Variants in PRKG1 observed in about 807,000 individuals in gnomAD.
PRKG1 encodes the protein protein kinase cGMP-dependent 1, also known as cGMP-dependent protein kinase 1.
PRKG1 carries 35 observed loss-of-function variants against 88.1 expected under a neutral mutation model. The ratio of observed to expected loss-of-function variants is 0.40; its 90% CI spans 0.30 to 0.53. The LOEUF (loss-of-function observed/expected upper bound fraction) is 0.53. Among genes scored for constraint, PRKG1 ranks in the 20% least tolerant of loss-of-function variants. The probability of loss-of-function intolerance (pLI) is 0.59; values close to 1 mark genes in which losing one functional copy is unlikely to be tolerated. For missense variants in PRKG1, 540 were observed against 839.8 expected (o/e 0.64, Z 4.41); for synonymous variants, 303 against 292.5 (o/e 1.04, Z -0.37).
intron 2 of PRKG1, among the ~76,000 whole-genome samples, chr10:51,347,878 G>T (rs1316221819): frequency 1.3e-5 from 2 of 148,902 alleles, no homozygotes; most frequent in South Asian, 4.4e-4. Flanking sequence ...TGGCTAACAC[G>T]GTGAAACCCC....
chr10:51,080,607 G>A (rs1564592310), intron 1 of PRKG1, among the ~76,000 whole-genome samples: 1 of 152,182 alleles, frequency 6.6e-6, no homozygotes, highest in Admixed American at 6.5e-5. Flanking sequence ...AACCTTTCAA[G>A]CTCAGAGAAC....
intron 2 of PRKG1, among the ~76,000 whole-genome samples, chr10:51,321,142 G>A (rs998926357): frequency 2.0e-5 from 3 of 152,172 alleles, no homozygotes; most frequent in South Asian, 2.1e-4. Flanking sequence ...ATGATTCAAT[G>A]GGAGACCATA....
At chr10:51,126,480 CTATT>C (rs987145747) in intron 1 of PRKG1, among the ~76,000 whole-genome samples, 37 of 135,544 alleles carry the variant, frequency 2.7e-4, no homozygotes, top group East Asian at 1.1e-3. Flanking sequence ...ATTATATAAT[CTATT>C]TATAAATGTA....
intron 3 of PRKG1, among the ~76,000 whole-genome samples, chr10:51,505,839 C>T (rs941442129): frequency 4.0e-5 from 6 of 151,672 alleles, no homozygotes; most frequent in Non-Finnish European, 5.9e-5. Flanking sequence ...TTTTTTATTG[C>T]GTCTATTTGA....
intron 2 of PRKG1, among the ~76,000 whole-genome samples, chr10:51,189,844 T>C (rs896998114): frequency 6.6e-6 from 1 of 151,958 alleles, no homozygotes; most frequent in Non-Finnish European, 1.5e-5. Flanking sequence ...TTTGTATTTA[T>C]TTATTAGCTC....
chr10:51,582,596 C>A (rs1357823209), intron 3 of PRKG1, among the ~76,000 whole-genome samples: 3 of 152,066 alleles, frequency 2.0e-5, no homozygotes, highest in Admixed American at 1.3e-4. Context: ...AGGACAGTGG[C>A]TTCCAGCTTC....
chr10:51,851,495 A>G (rs1004135736), intron 4 of PRKG1, among the ~76,000 whole-genome samples: 1 of 152,134 alleles, frequency 6.6e-6, no homozygotes, highest in Non-Finnish European at 1.5e-5. Context: ...ACGCTTCCCT[A>G]TGGGGAAGTA....
intron 3 of PRKG1, among the ~76,000 whole-genome samples, chr10:51,794,644 AATG>A (rs1198995856): frequency 2.0e-5 from 3 of 152,100 alleles, no homozygotes; most frequent in African/African-American, 7.2e-5. Flanking sequence ...TCACCACAAA[AATG>A]ATGACTATAT....
At chr10:51,588,056 C>T (rs916171010) in intron 3 of PRKG1, among the ~76,000 whole-genome samples, 3 of 152,166 alleles carry the variant, frequency 2.0e-5, no homozygotes, top group Admixed American at 6.5e-5. Context: ...AGATGCTGAT[C>T]GAAGCAAGTG....
intron 1 of PRKG1, among the ~76,000 whole-genome samples, chr10:51,043,128 C>T (rs1843445890): frequency 6.6e-6 from 1 of 152,114 alleles, no homozygotes; most frequent in Non-Finnish European, 1.5e-5. Flanking sequence ...ACTGAGCAGT[C>T]ATGGGATGCA....
At chr10:52,086,088 A>C (rs547077423) in intron 7 of PRKG1, among the ~76,000 whole-genome samples, 64 of 152,002 alleles carry the variant, frequency 4.2e-4, no homozygotes, top group Non-Finnish European at 7.7e-4. Flanking sequence ...GATTCACTTC[A>C]GGTCTTTTTC....
At chr10:51,043,300 C>A (rs1843447781) in intron 1 of PRKG1, among the ~76,000 whole-genome samples, 1 of 152,072 alleles carries the variant, frequency 6.6e-6, no homozygotes, top group African/African-American at 2.4e-5. Flanking sequence ...AAGGTTTCAC[C>A]ACTGCAGAAT....
chr10:51,049,862 C>T (rs970621986), intron 1 of PRKG1, among the ~76,000 whole-genome samples: 13 of 151,836 alleles, frequency 8.6e-5, no homozygotes, highest in African/African-American at 2.9e-4. Flanking sequence ...AAATAAAATC[C>T]GAAAGTACCC....
chr10:51,210,058 G>T (rs1270607949), intron 2 of PRKG1, among the ~76,000 whole-genome samples: 1 of 152,062 alleles, frequency 6.6e-6, no homozygotes, highest in South Asian at 2.1e-4. Context: ...GTAGTTAATA[G>T]TTGGAAGTAA....
At position 51,074,786 on chromosome 10, in the gene PRKG1, A is replaced by G; in HGVS notation, c.196A>G (p.Ser66Gly). 1 of 1,613,992 alleles carries G rather than the reference A, an allele frequency of 6.2e-7. No homozygotes were observed. Among genetic ancestry groups the G allele is most frequent in the Non-Finnish European group, 8.5e-7 (1 of 1,179,950 alleles). ...ATQQAQKQSA[S>G]TLQGEPRTKR... ...CCAGCAGGCGCAGAAGCAGAGCGCG[A>G]GCACCTTGCAGGGCGAGCCGCGCAC... Residue 66 changes from serine (S) to glycine (G), a missense_variant, in exon 1 of 18, where the codon AGC becomes GGC. Coordinates refer to ENST00000373980, the MANE Select transcript of PRKG1 (RefSeq NM_006258.4).
chr10:51,275,084 G>A (rs915748989), intron 2 of PRKG1, among the ~76,000 whole-genome samples: 7 of 152,194 alleles, frequency 4.6e-5, no homozygotes, highest in Non-Finnish European at 1.0e-4. Flanking sequence ...AATTAAATTC[G>A]ATAGCCAGTG....
chr10:52,286,640 A>G (rs1300030332), intron 14 of PRKG1, among the ~76,000 whole-genome samples: 1 of 152,032 alleles, frequency 6.6e-6, no homozygotes, highest in Non-Finnish European at 1.5e-5. Context: ...CTATAGGTAT[A>G]CTTATTTCTC....
At chr10:51,214,843 G>A (rs1393691261) in intron 2 of PRKG1, among the ~76,000 whole-genome samples, 2 of 152,110 alleles carry the variant, frequency 1.3e-5, no homozygotes, top group Non-Finnish European at 2.9e-5. Context: ...CACTTTACAT[G>A]AGCACGTGGA....
intron 5 of PRKG1, among the ~76,000 whole-genome samples, chr10:51,943,986 A>T (rs907177687): frequency 2.6e-5 from 4 of 151,906 alleles, no homozygotes; most frequent in Non-Finnish European, 5.9e-5. Flanking sequence ...GTTAGGGAGG[A>T]TTCCCTCTTT....
Sources: gnomAD v4.1 joint callset for allele counts (sites outside exome capture counted in the v4.1 genomes callset) on GRCh38, gnomAD v4.1.1 for gene constraint, MANE v1.5 for transcripts, NCBI Gene and HGNC (gene_info 2026-07-23, HGNC 2026-07-21) for gene names.